Variants in SOX5 observed in about 807,000 individuals in gnomAD.
SOX5 encodes the protein transcription factor SOX-5.
SOX5 carries 9 observed loss-of-function variants against 92.0 expected under a neutral mutation model. The observed-to-expected ratio is 0.10, with a 90% CI of 0.06 to 0.17. The LOEUF is 0.17. Among genes scored for constraint, SOX5 ranks in the 10% least tolerant of loss-of-function variants. SOX5 has a pLI of 1.00. For missense variants in SOX5, 642 were observed against 944.5 expected (o/e 0.68, Z 4.20); for synonymous variants, 344 against 336.3 (o/e 1.02, Z -0.25).
intron 2 of SOX5, among the ~76,000 whole-genome samples, chr12:24,331,036 T>C (rs936355037): frequency 6.6e-6 from 1 of 152,116 alleles, no homozygotes; most frequent in Non-Finnish European, 1.5e-5. Flanking sequence ...CAGGAGTTAC[T>C]AGGTACCAAA....
intron 4 of SOX5, among the ~76,000 whole-genome samples, chr12:23,971,121 CTTTTTTTT>C (rs71059953): frequency 2.3e-5 from 2 of 86,222 alleles, no homozygotes; most frequent in Non-Finnish European, 2.0e-5. Context: ...TGTCAGCTGA[CTTTTTTTT>C]TTTTTTTTTT....
At chr12:23,767,403 G>A (rs2094773923) in intron 3 of SOX5, among the ~76,000 whole-genome samples, 1 of 152,168 alleles carries the variant, frequency 6.6e-6, no homozygotes. Context: ...CAGCCTCAGA[G>A]AAGAATGGGA....
intron 2 of SOX5, among the ~76,000 whole-genome samples, chr12:24,295,296 T>C (rs183622232): frequency 1.3e-5 from 2 of 152,284 alleles, no homozygotes; most frequent in East Asian, 1.9e-4. Flanking sequence ...TACAACAAAC[T>C]CACACTTCTC....
At chr12:23,989,282 C>T (rs1950341047) in intron 4 of SOX5, among the ~76,000 whole-genome samples, 1 of 150,474 alleles carries the variant, frequency 6.6e-6, no homozygotes. Context: ...GTCCCTGCCA[C>T]TCGGGGGGCT....
chr12:24,046,856 A>T (rs1592653532), intron 4 of SOX5, among the ~76,000 whole-genome samples: 1 of 148,118 alleles, frequency 6.8e-6, no homozygotes, highest in African/African-American at 2.5e-5. Flanking sequence ...ACTTTTTTGT[A>T]TTTTTTTTTT....
At chr12:24,390,272 T>C (rs1446243586) in intron 1 of SOX5, among the ~76,000 whole-genome samples, 1 of 152,194 alleles carries the variant, frequency 6.6e-6, no homozygotes, top group Non-Finnish European at 1.5e-5. Flanking sequence ...ATCTCATTGG[T>C]TATGAACACT....
intron 1 of SOX5, among the ~76,000 whole-genome samples, chr12:24,400,569 T>C (rs904616920): frequency 6.6e-6 from 1 of 152,220 alleles, no homozygotes; most frequent in East Asian, 1.9e-4. Flanking sequence ...ACATTCAAAA[T>C]TATTCCAATG....
intron 3 of SOX5, among the ~76,000 whole-genome samples, chr12:24,232,065 C>T (rs1458000848): frequency 6.6e-6 from 1 of 152,148 alleles, no homozygotes; most frequent in Non-Finnish European, 1.5e-5. Context: ...CTAAAATCCA[C>T]TTCAGATGAT....
chr12:24,143,885 AAGGAGG>A (rs761150041), intron 4 of SOX5, among the ~76,000 whole-genome samples: 5 of 149,942 alleles, frequency 3.3e-5, no homozygotes, highest in Admixed American at 2.7e-4. Context: ...AGGAGGAGGA[AAGGAGG>A]AGGAGGAGGA....
At chr12:24,235,454 T>A (rs1018554405) in intron 3 of SOX5, among the ~76,000 whole-genome samples, 2 of 152,144 alleles carry the variant, frequency 1.3e-5, no homozygotes, top group African/African-American at 2.4e-5. Flanking sequence ...AAGAACCAAC[T>A]AACAAATGAA....
At chr12:24,439,992 A>G (rs1940208740) in intron 1 of SOX5, among the ~76,000 whole-genome samples, 1 of 152,262 alleles carries the variant, frequency 6.6e-6, no homozygotes, top group African/African-American at 2.4e-5. Flanking sequence ...TACCTGCTCA[A>G]TAAATGCTTA....
intron 1 of SOX5, among the ~76,000 whole-genome samples, chr12:24,479,906 T>C (rs921477577): frequency 1.3e-5 from 2 of 152,110 alleles, no homozygotes; most frequent in Non-Finnish European, 2.9e-5. Context: ...GCTCAAATGA[T>C]CCACCCACCT....
chr12:23,912,183 G>A (rs780680870), intron 1 of SOX5, among the ~76,000 whole-genome samples: 1 of 151,992 alleles, frequency 6.6e-6, no homozygotes, highest in Non-Finnish European at 1.5e-5. Context: ...TTTAAAATGA[G>A]AAAAGGATCT....
intron 12 of SOX5, among the ~76,000 whole-genome samples, chr12:23,545,480 A>AGAT (rs775942851): frequency 2.0e-5 from 3 of 152,172 alleles, no homozygotes; most frequent in Non-Finnish European, 4.4e-5. Context: ...GAATGTTCAG[A>AGAT]GATGATACAG....
At chr12:24,234,624 C>T (rs1964081943) in intron 3 of SOX5, among the ~76,000 whole-genome samples, 1 of 152,174 alleles carries the variant, frequency 6.6e-6, no homozygotes, top group Admixed American at 6.5e-5. Flanking sequence ...GTGATCCATC[C>T]ACCTCAGCCT....
At position 24,149,644 on chromosome 12, in the gene SOX5, A is replaced by G. The variant is rs76141279; in HGVS notation, c.-2+63699T>C. On this transcript the variant is annotated intron_variant, in intron 4 of 4. Transcript: ENST00000446891. ...AAGTTATATGTGCATCTACCCTATG[A>G]TCCAGTCATTCCCATTCTAGGTATT... is the stretch of plus-strand genomic sequence containing the variant. Among the ~76,000 whole-genome samples the G allele has an allele frequency of 5.2e-3, 796 of 152,090 alleles. 9 individuals carry two copies. Among genetic ancestry groups the G allele is most frequent in the African/African-American group, 0.018 (756 of 41,524 alleles).
intron 4 of SOX5, among the ~76,000 whole-genome samples, chr12:23,960,856 G>T (rs1380893767): frequency 6.6e-6 from 1 of 152,076 alleles, no homozygotes; most frequent in African/African-American, 2.4e-5. Flanking sequence ...TTATAATGGT[G>T]GGAGTAGGAG....
At chr12:23,610,541 G>A (rs1249897017) in intron 8 of SOX5, among the ~76,000 whole-genome samples, 1 of 152,014 alleles carries the variant, frequency 6.6e-6, no homozygotes, top group Non-Finnish European at 1.5e-5. Flanking sequence ...AAATGACTAT[G>A]TAAAATATTA....
Position 24,006,989 on chromosome 12 carries a change from C to T in SOX5, c.-1-110965G>A, listed in dbSNP as rs959733722. Among the ~76,000 whole-genome samples the T allele has an allele frequency of 3.3e-5, 5 of 150,718 alleles. 1 individual carries two copies. The highest frequency in any genetic ancestry group is 4.2e-4 in the South Asian group (2 of 4,786). ...TGTCTACAAAAACACAAAAATTGGC[C>T]GGGCATGATGACGCATGTCTGTAAT... On this transcript the variant is annotated intron_variant, in intron 4 of 4. Transcript: ENST00000446891.
Sources: gnomAD v4.1 joint callset for allele counts (sites outside exome capture counted in the v4.1 genomes callset) on GRCh38, gnomAD v4.1.1 for gene constraint, MANE v1.5 for transcripts, NCBI Gene and HGNC (gene_info 2026-07-23, HGNC 2026-07-21) for gene names.